The following REDIC1 variants were observed in gnomAD, a reference collection of about 807,000 sequenced individuals.
The protein encoded by REDIC1 is regulator of DNA class I crossover intermediates 1.
chr12:39,712,459 T>TAC, the REDIC1 span, among the ~76,000 whole-genome samples: 2 of 141,882 alleles, frequency 1.4e-5, no homozygotes, highest in African/African-American at 2.5e-5. Context: ...CATACGTATA[T>TAC]ATACGTATGT....
the REDIC1 span, among the ~76,000 whole-genome samples, chr12:39,877,843 C>A: frequency 6.6e-6 from 1 of 152,178 alleles, no homozygotes; most frequent in Non-Finnish European, 1.5e-5. Flanking sequence ...ATATTCATCC[C>A]TGCCCAAATC....
chr12:39,759,886 AATC>A, the REDIC1 span: 1 of 619,050 alleles, frequency 1.6e-6, no homozygotes, highest in Non-Finnish European at 2.8e-6. Flanking sequence ...TCTTCCTCCT[AATC>A]AAGTATTCTA....
chr12:39,833,887 G>A, the REDIC1 span, among the ~76,000 whole-genome samples: 26 of 144,276 alleles, frequency 1.8e-4, no homozygotes, highest in South Asian at 8.7e-4. Context: ...TCTGAAGCAT[G>A]GTCATAAAAA....
chr12:39,697,997 G>C, the REDIC1 span, among the ~76,000 whole-genome samples: 1 of 152,216 alleles, frequency 6.6e-6, no homozygotes, highest in South Asian at 2.1e-4. Context: ...CCAATGATCT[G>C]TTGCCTATAA....
At chr12:39,820,434 A>G in the REDIC1 span, among the ~76,000 whole-genome samples, 2 of 152,218 alleles carry the variant, frequency 1.3e-5, no homozygotes, top group Non-Finnish European at 1.5e-5. Flanking sequence ...ATGCTAAAAC[A>G]TGGATTGCTA....
At chr12:39,789,668 CAGT>C in the REDIC1 span, among the ~76,000 whole-genome samples, 2 of 152,118 alleles carry the variant, frequency 1.3e-5, no homozygotes, top group Non-Finnish European at 2.9e-5. Context: ...TTCTCACTAG[CAGT>C]AGAAGACAGA....
the REDIC1 span, among the ~76,000 whole-genome samples, chr12:39,704,318 A>C: frequency 6.6e-6 from 1 of 151,790 alleles, no homozygotes; most frequent in Non-Finnish European, 1.5e-5. Flanking sequence ...AACACATGAA[A>C]AAATGCTCAC....
At chr12:39,864,360 A>C in the REDIC1 span, among the ~76,000 whole-genome samples, 58 of 152,342 alleles carry the variant, frequency 3.8e-4, no homozygotes, top group Non-Finnish European at 7.1e-4. Context: ...AATTGTCAGA[A>C]TATTCAGAGG....
the REDIC1 span, among the ~76,000 whole-genome samples, chr12:39,888,139 G>T: frequency 6.6e-6 from 1 of 152,210 alleles, no homozygotes; most frequent in African/African-American, 2.4e-5. Context: ...TGGGCAGGCT[G>T]CTTCAAATGC....
the REDIC1 span, among the ~76,000 whole-genome samples, chr12:39,670,128 C>G: frequency 6.6e-6 from 1 of 152,178 alleles, no homozygotes; most frequent in Non-Finnish European, 1.5e-5. Flanking sequence ...AATCACCTGT[C>G]TTCTGTGTAG....
the REDIC1 span, among the ~76,000 whole-genome samples, chr12:39,729,581 A>T: frequency 9.8e-5 from 15 of 152,308 alleles, no homozygotes; most frequent in Admixed American, 3.3e-4. Context: ...ACTTCCAATT[A>T]TATGGTCAAT....
At chr12:39,907,220 T>C in the REDIC1 span, among the ~76,000 whole-genome samples, 1 of 152,156 alleles carries the variant, frequency 6.6e-6, no homozygotes, top group Non-Finnish European at 1.5e-5. Flanking sequence ...AAGTAGAGAT[T>C]TGTATTTAGT....
the REDIC1 span, among the ~76,000 whole-genome samples, chr12:39,712,106 ATATATACC>A: frequency 3.5e-5 from 4 of 112,944 alleles, no homozygotes; most frequent in Non-Finnish European, 8.5e-5. Flanking sequence ...ATATACCTGT[ATATATACC>A]TGTATATATA....
the REDIC1 span, among the ~76,000 whole-genome samples, chr12:39,716,181 A>T: frequency 2.0e-5 from 3 of 151,994 alleles, no homozygotes; most frequent in African/African-American, 7.2e-5. Context: ...GGAGTGGTTG[A>T]AGCTACGGTT....
At chr12:39,804,438 T>G in the REDIC1 span, among the ~76,000 whole-genome samples, 1 of 152,208 alleles carries the variant, frequency 6.6e-6, no homozygotes, top group African/African-American at 2.4e-5. Flanking sequence ...GAGTTTAACA[T>G]TCATTACCAG....
At chr12:39,876,175 A>G in the REDIC1 span, among the ~76,000 whole-genome samples, 1 of 152,218 alleles carries the variant, frequency 6.6e-6, no homozygotes, top group African/African-American at 2.4e-5. Flanking sequence ...GTAGACATTT[A>G]AGAACAGCCA....
At chr12:39,652,830 T>C in the REDIC1 span, among the ~76,000 whole-genome samples, 1 of 152,160 alleles carries the variant, frequency 6.6e-6, no homozygotes, top group South Asian at 2.1e-4. Flanking sequence ...TTGGCACCTT[T>C]GTCAGAAATC....
chr12:39,662,613 G>T, the REDIC1 span, among the ~76,000 whole-genome samples: 48 of 151,974 alleles, frequency 3.2e-4, no homozygotes, highest in Non-Finnish European at 5.4e-4. Context: ...CAGTTTGGAT[G>T]CCTTTTGTTT....
At chr12:39,723,728 A>G in the REDIC1 span, among the ~76,000 whole-genome samples, 1 of 152,198 alleles carries the variant, frequency 6.6e-6, no homozygotes, top group African/African-American at 2.4e-5. Context: ...AGTAAGGGCC[A>G]ATGCTATACA....
Sources: allele counts gnomAD v4.1 joint callset (sites outside exome capture counted in the v4.1 genomes callset), GRCh38; gene constraint gnomAD v4.1.1; transcripts MANE v1.5; gene names NCBI Gene and HGNC (gene_info 2026-07-23, HGNC 2026-07-21).